The following HDAC1 variants were observed in gnomAD, a reference collection of about 807,000 sequenced individuals.
HDAC1 encodes protein deacetylase HDAC1.
HDAC1 carries 18 observed loss-of-function variants against 65.5 expected under a neutral mutation model. The observed-to-expected ratio is 0.27, with a 90% CI of 0.19 to 0.41. The LOEUF is 0.41. HDAC1 is among the 10% of genes least tolerant of loss of function. The pLI is 1.00. For missense variants in HDAC1, 373 were observed against 625.2 expected (o/e 0.60, Z 4.30); for synonymous variants, 211 against 227.9 (o/e 0.93, Z 0.67).
In HDAC1 at chr1:32,295,765, A is replaced by ATTTGTTTG. The variant is rs373092779; in HGVS notation, c.49+3566_49+3573dup. ...CAATCAGCATATGGATAGTTATTTT[A>ATTTGTTTG]TTTGTTTGTTTGTTTGTTTGTTTGT... On this transcript the variant is annotated intron_variant, in intron 1 of 13. Transcript: ENST00000373548. Among the ~76,000 whole-genome samples, 34 of 151,854 alleles carry ATTTGTTTG rather than the reference A, an allele frequency of 2.2e-4. No individual in the cohort carries two copies. In the East Asian group the frequency reaches 6.0e-3, roughly 27 times the overall value.
intron 2 of HDAC1, among the ~76,000 whole-genome samples, chr1:32,306,976 T>C (rs1640919457): frequency 6.6e-6 from 1 of 152,190 alleles, no homozygotes; most frequent in African/African-American, 2.4e-5. Flanking sequence ...CCGGGCGTGG[T>C]GGCTCATGTC....
chr1:32,316,098 C>T (rs1335065084), intron 2 of HDAC1, among the ~76,000 whole-genome samples: 1 of 151,736 alleles, frequency 6.6e-6, no homozygotes, highest in Non-Finnish European at 1.5e-5. Context: ...CTAGCTAACA[C>T]GGTGAAACCC....
At chr1:32,307,960 C>G (rs559775905) in intron 2 of HDAC1, among the ~76,000 whole-genome samples, 1 of 152,266 alleles carries the variant, frequency 6.6e-6, no homozygotes, top group African/African-American at 2.4e-5. Context: ...TGAAAGAGAG[C>G]AGGGGCAATT....
At position 32,331,883 on chromosome 1, in the gene HDAC1, A is replaced by G. The variant is rs575846547; in HGVS notation, c.1219+77A>G. The G allele has an allele frequency of 9.9e-6, 15 of 1,513,352 alleles. No homozygotes were observed. The East Asian group carries it at 3.0e-4, about 30-fold the overall frequency. The allele number at this position is 1,513,352 out of a possible 1,614,324, so 93.7% of individuals were successfully genotyped here. On this transcript the variant is annotated intron_variant, in intron 11 of 13. Coordinates refer to ENST00000373548, the MANE Select transcript of HDAC1 (RefSeq NM_004964.3). The surrounding 1 kb of genome is among the most constrained non-coding windows in gnomAD (Gnocchi z 4.2). ...CTTCCACCACCATTCCTGGCTGCAC[A>G]CTCCCTCCAAGCTCCCCACCTGTAG...
At position 32,333,250 on chromosome 1, in the gene HDAC1, GTTC is replaced by G. The variant is rs1641324687; in HGVS notation, c.*209_*211del. 2.2e-6 allele frequency: 1 copy of G among 462,924 alleles called. No homozygotes were observed. The highest frequency in any genetic ancestry group is 3.8e-6 in the Non-Finnish European group (1 of 261,160). The allele number at this position is 462,924 out of a possible 1,614,324, so 28.7% of individuals were successfully genotyped here. ...AGCCACCTTGCCACCCATTCTTCCC[GTTC>G]TTAACTTTGAACCATAAAGGGTGCC... On this transcript the variant is annotated 3_prime_UTR_variant, in exon 14 of 14. Coordinates refer to ENST00000373548, the MANE Select transcript of HDAC1 (RefSeq NM_004964.3).
At chr1:32,306,147 G>T (rs1424265909) in intron 2 of HDAC1, among the ~76,000 whole-genome samples, 2 of 150,664 alleles carry the variant, frequency 1.3e-5, no homozygotes, top group Non-Finnish European at 3.0e-5. Flanking sequence ...TTCTGAAAAA[G>T]TGATTTGGCT....
intron 1 of HDAC1, among the ~76,000 whole-genome samples, chr1:32,295,966 G>A (rs899489767): frequency 6.6e-6 from 1 of 152,064 alleles, no homozygotes; most frequent in Non-Finnish European, 1.5e-5. Flanking sequence ...GAATTCCAGG[G>A]TGGAATTCTA....
rs770126719 is a variant in HDAC1, at chr1:32,302,605, ACTCT to A, written c.50-11_50-8del. 1 of 1,288,762 alleles carries A rather than the reference ACTCT, an allele frequency of 7.8e-7. No homozygotes were observed. Among genetic ancestry groups the A allele is most frequent in the East Asian group, 2.3e-5 (1 of 43,454 alleles). The allele number at this position is 1,288,762 out of a possible 1,614,324, so 79.8% of individuals were successfully genotyped here. On this transcript the variant is annotated splice_polypyrimidine_tract_variant and intron_variant, in intron 1 of 13. Transcript: ENST00000373548. Reference sequence around the variant, plus strand: ...GCCTAACTGTGTTAGTGAAGCTGTCACTCTCTCTTCTTCAGGGGATGTTGGAAAT... The same window carrying A: ...GCCTAACTGTGTTAGTGAAGCTGTCACTCTTCTTCAGGGGATGTTGGAAAT...
chr1:32,323,976 G>A (rs1045969470), intron 3 of HDAC1, among the ~76,000 whole-genome samples: 1 of 152,056 alleles, frequency 6.6e-6, no homozygotes, highest in Non-Finnish European at 1.5e-5. Context: ...AGTGGGTGAG[G>A]TGGGATATCA....
chr1:32,311,850 G>A (rs1001588818), intron 2 of HDAC1, among the ~76,000 whole-genome samples: 1 of 152,178 alleles, frequency 6.6e-6, no homozygotes, highest in Non-Finnish European at 1.5e-5. Context: ...TGTGAATCTG[G>A]AGCTCAGAAC....
At position 32,327,233 on chromosome 1, in the gene HDAC1, G is replaced by C; in HGVS notation, c.494+156G>C. 1.4e-6 allele frequency: 1 copy of C among 716,440 alleles called. No homozygotes were observed. Among genetic ancestry groups the C allele is most frequent in the South Asian group, 1.8e-5 (1 of 56,434 alleles). The allele number at this position is 716,440 out of a possible 1,614,324, so 44.4% of individuals were successfully genotyped here. ...CTCTGGCCATCATCTCCTTGATGGG[G>C]TCTTGGTTTGATCTGAGCCACGGCA... is the stretch of plus-strand genomic sequence containing the variant. On this transcript the variant is annotated intron_variant, in intron 5 of 13. Transcript: ENST00000373548. This position sits in a 1 kb window ranked among gnomAD's most constrained non-coding sequence, Gnocchi z 6.0.
rs539827091 is a variant in HDAC1 at position 32,325,354 on chromosome 1, T to C, written c.355+801T>C. Among the ~76,000 whole-genome samples, 194 of 152,346 alleles carry C rather than the reference T, an allele frequency of 1.3e-3. 1 individual carries two copies. The highest frequency in any genetic ancestry group is 2.9e-3 in the Admixed American group (44 of 15,304). On this transcript the variant is annotated intron_variant, in intron 4 of 13. Coordinates refer to ENST00000373548, the MANE Select transcript of HDAC1 (RefSeq NM_004964.3). ...TGATCCCCCACCAATATAATCATTG[T>C]GTCCATCCCCGCTGCCCCACCAATA...
chr1:32,311,121 T>C (rs535273347), intron 2 of HDAC1, among the ~76,000 whole-genome samples: 4 of 151,936 alleles, frequency 2.6e-5, no homozygotes, highest in African/African-American at 9.6e-5. Flanking sequence ...AATACATTGG[T>C]GGTAGTTTCA....
At chr1:32,297,582 A>G (rs572784893) in intron 1 of HDAC1, among the ~76,000 whole-genome samples, 2 of 152,040 alleles carry the variant, frequency 1.3e-5, no homozygotes, top group South Asian at 2.1e-4. Flanking sequence ...AAAAAGTACA[A>G]AGACCTCAGT....
chr1:32,315,600 G>A (rs1044443887), intron 2 of HDAC1, among the ~76,000 whole-genome samples: 5 of 150,706 alleles, frequency 3.3e-5, no homozygotes, highest in Admixed American at 6.6e-5. Flanking sequence ...TGATCCACCC[G>A]CCTCAGCCTC....
chr1:32,330,900 T>A lies in HDAC1; in HGVS notation c.971T>A (p.Ile324Asn). 6.2e-7 allele frequency: 1 copy of A among 1,614,104 alleles called. No homozygotes were observed. The highest frequency in any genetic ancestry group is 8.5e-7 in the Non-Finnish European group (1 of 1,180,006). Residue 324 changes from isoleucine (I) to asparagine (N), a missense_variant, in exon 9 of 14, where the codon ATC becomes AAC. Physicochemically the swap from Ile to Asn is moderately radical, Grantham distance 149 (BLOSUM62 -3). This residue lies in a region of HDAC1 where 105 missense variants were observed against 192.6 expected (regional missense o/e 0.55). Coordinates refer to ENST00000373548, the MANE Select transcript of HDAC1 (RefSeq NM_004964.3). This position sits in a 1 kb window ranked among gnomAD's most constrained non-coding sequence, Gnocchi z 4.2. ...ACAGCTGTGGCCCTGGATACGGAGA[T>A]CCCTAATGGTAATAGCTGCAGGGCC... Reference protein sequence around the residue: ...YETAVALDTEIPNELPYNDYF... With the variant: ...YETAVALDTENPNELPYNDYF...
At chr1:32,315,616 G>C (rs565187733) in intron 2 of HDAC1, among the ~76,000 whole-genome samples, 61 of 151,094 alleles carry the variant, frequency 4.0e-4, no homozygotes, top group African/African-American at 1.3e-3. Context: ...GCCTCCCAAA[G>C]TGCTGGGATT....
At chr1:32,325,502 A>T (rs986686462) in intron 4 of HDAC1, among the ~76,000 whole-genome samples, 3 of 152,200 alleles carry the variant, frequency 2.0e-5, no homozygotes, top group Non-Finnish European at 4.4e-5. Flanking sequence ...GTGTGTTTAT[A>T]TCTGTGTCAC....
At chr1:32,311,497 C>T (rs533560702) in intron 2 of HDAC1, among the ~76,000 whole-genome samples, 11 of 151,634 alleles carry the variant, frequency 7.3e-5, no homozygotes, top group African/African-American at 2.2e-4. Flanking sequence ...ACCCTGGCTT[C>T]GATCTTGAAC....
Sources: gnomAD v4.1 joint callset for allele counts (sites outside exome capture counted in the v4.1 genomes callset) on GRCh38, gnomAD v4.1.1 for gene constraint, gnomAD v4.1.1 regional missense constraint, Gnocchi (gnomAD v3.1) non-coding constraint, MANE v1.5 for transcripts, NCBI Gene and HGNC (gene_info 2026-07-23, HGNC 2026-07-21) for gene names.